Variants in DOCK3 observed in about 807,000 individuals in gnomAD.
The protein encoded by DOCK3 is dedicator of cytokinesis protein 3.
In DOCK3, 60 loss-of-function variants were observed where a neutral mutation model predicts 265.6. The ratio of observed to expected loss-of-function variants is 0.23; its 90% CI spans 0.18 to 0.28. DOCK3 has a LOEUF of 0.28. Ranked by LOEUF, DOCK3 falls within the 10% of genes least tolerant of loss-of-function variation. The probability of loss-of-function intolerance (pLI) is 1.00; values close to 1 mark genes in which losing one functional copy is unlikely to be tolerated. For synonymous variants in DOCK3, 881 were observed against 938.0 expected (o/e 0.94, Z 1.11); for missense variants, 1,981 against 2,594.3 (o/e 0.76, Z 5.14).
intron 3 of DOCK3, among the ~76,000 whole-genome samples, chr3:50,866,420 G>A (rs539352369): frequency 6.6e-6 from 1 of 152,010 alleles, no homozygotes; most frequent in East Asian, 1.9e-4. Flanking sequence ...GGGAGTCAGA[G>A]GTTGTGGTTA....
intron 40 of DOCK3, among the ~76,000 whole-genome samples, chr3:51,350,944 A>G (rs1209797835): frequency 6.6e-6 from 1 of 152,194 alleles, no homozygotes; most frequent in Non-Finnish European, 1.5e-5. Flanking sequence ...GGCTGTAGAA[A>G]GCCTCTTCTA....
At chr3:51,085,986 A>G (rs533232394) in intron 7 of DOCK3, among the ~76,000 whole-genome samples, 1 of 152,330 alleles carries the variant, frequency 6.6e-6, no homozygotes, top group East Asian at 1.9e-4. Flanking sequence ...CAGTGACACT[A>G]GAGGAATTAA....
chr3:50,741,719 G>A (rs771625139), intron 1 of DOCK3, among the ~76,000 whole-genome samples: 17 of 151,486 alleles, frequency 1.1e-4, no homozygotes, highest in Admixed American at 4.6e-4. Flanking sequence ...ATTGTGAATA[G>A]TGCCGCAATA....
In DOCK3 at chr3:51,020,314, GTTGT is replaced by G. The variant is rs535533735; in HGVS notation, c.316-44127_316-44124del. ...CGTCTTTTGCCCACTTTTTAGTGGG[GTTGT>G]TTGTTTTTTTCTCGTAAGTTTGTTT... On this transcript the variant is annotated intron_variant, in intron 5 of 52. Coordinates refer to ENST00000266037, the MANE Select transcript of DOCK3 (RefSeq NM_004947.5). Among the ~76,000 whole-genome samples the G allele has an allele frequency of 3.4e-4, 51 of 151,732 alleles. 1 individual carries two copies. The South Asian group carries it at 1.0e-2, about 30-fold the overall frequency.
In DOCK3 at chr3:51,038,743, T is replaced by G. The variant is rs112469110; in HGVS notation, c.316-25705T>G. ...ATCATATTCCCTGGTTCATGGCACA[T>G]TATTGTCATCAGTCAATTTAATGAT... On this transcript the variant is annotated intron_variant, in intron 5 of 52. Transcript: ENST00000266037. 3.7e-4 allele frequency among the ~76,000 whole-genome samples: 56 copies of G among 152,278 alleles called. No homozygotes were observed. The Middle Eastern group carries it at 0.01, about 28-fold the overall frequency.
intron 32 of DOCK3, among the ~76,000 whole-genome samples, chr3:51,326,220 G>C (rs2084099464): frequency 6.6e-6 from 1 of 151,640 alleles, no homozygotes; most frequent in South Asian, 2.1e-4. Flanking sequence ...TTGTATGGCT[G>C]GACTGTAATG....
intron 24 of DOCK3, among the ~76,000 whole-genome samples, chr3:51,274,602 C>T (rs1246476633): frequency 6.6e-6 from 1 of 151,982 alleles, no homozygotes; most frequent in Non-Finnish European, 1.5e-5. Flanking sequence ...CATAGTGAGA[C>T]CTCATCTCTA....
chr3:50,908,210 T>TTG (rs71084124), intron 4 of DOCK3, among the ~76,000 whole-genome samples: 1 of 146,462 alleles, frequency 6.8e-6, no homozygotes, highest in African/African-American at 2.5e-5. Flanking sequence ...TTTTTTTTTT[T>TTG]CATCTCAATT....
At chr3:51,243,757 G>T (rs2078710426) in intron 21 of DOCK3, among the ~76,000 whole-genome samples, 1 of 152,116 alleles carries the variant, frequency 6.6e-6, no homozygotes, top group Non-Finnish European at 1.5e-5. Flanking sequence ...TGTGCTTTTG[G>T]TGTCATTTTC....
intron 5 of DOCK3, 126 bp from the exon 6 acceptor site, chr3:51,064,322 C>T (rs2081516549): frequency 1.6e-6 from 2 of 1,230,124 alleles, no homozygotes; most frequent in East Asian, 4.7e-5. Context: ...AAATTAAGTT[C>T]CTCTTTATAT....
chr3:51,250,563 G>A (rs1411764876), intron 22 of DOCK3, among the ~76,000 whole-genome samples: 1 of 152,198 alleles, frequency 6.6e-6, no homozygotes, highest in African/African-American at 2.4e-5. Context: ...AGGTTGCAGT[G>A]AACCAAGATT....
chr3:51,073,401 G>A (rs1185188975), intron 6 of DOCK3, among the ~76,000 whole-genome samples: 1 of 152,214 alleles, frequency 6.6e-6, no homozygotes, highest in East Asian at 1.9e-4. Context: ...TACTGCCTTT[G>A]CATGCTCTAA....
intron 26 of DOCK3, among the ~76,000 whole-genome samples, chr3:51,279,281 G>GAATAATTTCTCAA (rs2080989146): frequency 6.6e-6 from 1 of 152,038 alleles, no homozygotes; most frequent in Non-Finnish European, 1.5e-5. Context: ...TAATTTCAGA[G>GAATAATTTCTCAA]ACCTAGAAAG....
rs61146736 is a variant in DOCK3, at chr3:50,958,395, C to T, written c.315+24318C>T. 6.7e-3 allele frequency among the ~76,000 whole-genome samples: 1,016 copies of T among 152,068 alleles called. 12 individuals carry two copies. The highest frequency in any genetic ancestry group is 0.024 in the African/African-American group (977 of 41,374). On this transcript the variant is annotated intron_variant, in intron 5 of 52. Transcript: ENST00000266037. The stretch of plus-strand genomic sequence containing the variant: ...TCTCCTATTTCCAGCTACCTATTGG[C>T]TTGTTAGTTATATCTGCTTGTGTGT...
intron 6 of DOCK3, among the ~76,000 whole-genome samples, chr3:51,071,407 A>T (rs921685377): frequency 1.3e-5 from 2 of 152,210 alleles, no homozygotes; most frequent in Non-Finnish European, 2.9e-5. Context: ...TCTGTGCTAC[A>T]TCTGTATGTA....
chr3:51,001,376 G>A (rs1241918034), intron 5 of DOCK3, among the ~76,000 whole-genome samples: 4 of 152,136 alleles, frequency 2.6e-5, no homozygotes, highest in Non-Finnish European at 5.9e-5. Context: ...CTCTGACTGA[G>A]TCTTGAACCT....
At chr3:51,218,006 T>A (rs946313097) in intron 14 of DOCK3, among the ~76,000 whole-genome samples, 1 of 151,600 alleles carries the variant, frequency 6.6e-6, no homozygotes, top group African/African-American at 2.4e-5. Flanking sequence ...TAATCCCAGC[T>A]ACTCAGGAGT....
intron 27 of DOCK3, among the ~76,000 whole-genome samples, chr3:51,309,312 G>C (rs1234065191): frequency 6.6e-6 from 1 of 152,210 alleles, no homozygotes; most frequent in Non-Finnish European, 1.5e-5. Context: ...CTGAGTGAAC[G>C]AGACTCCGTC....
intron 5 of DOCK3, among the ~76,000 whole-genome samples, chr3:50,967,602 C>T (rs781391951): frequency 2.0e-5 from 3 of 152,126 alleles, no homozygotes; most frequent in East Asian, 1.9e-4. Flanking sequence ...CTCACAGTTT[C>T]GCATGGTTAG....
Sources: allele counts gnomAD v4.1 joint callset (sites outside exome capture counted in the v4.1 genomes callset), GRCh38; gene constraint gnomAD v4.1.1; transcripts MANE v1.5; gene names NCBI Gene and HGNC (gene_info 2026-07-23, HGNC 2026-07-21).